The following CYP7A1 variants were observed in gnomAD, a reference collection of about 807,000 sequenced individuals.
The protein encoded by CYP7A1 is cytochrome P450 family 7 subfamily A member 1, also known as cytochrome P450 7A1.
In CYP7A1, 28 loss-of-function variants were observed where a neutral mutation model predicts 43.8. The ratio of observed to expected loss-of-function variants is 0.64; its 90% CI spans 0.47 to 0.88. The LOEUF (loss-of-function observed/expected upper bound fraction) is 0.88. Among genes scored for constraint, CYP7A1 ranks in the 40% least tolerant of loss-of-function variants. The pLI, the probability that CYP7A1 is intolerant of heterozygous loss-of-function variation, is 0.00. For missense variants in CYP7A1, 637 were observed against 611.9 expected, an observed-to-expected ratio of 1.04 and a Z score of -0.43; for synonymous variants, 227 against 222.5, an observed-to-expected ratio of 1.02 and a Z score of -0.18.
intron 5 of CYP7A1, 49 bp downstream of exon 5, chr8:58,492,304 T>A: frequency 7.3e-7 from 1 of 1,375,364 alleles, no homozygotes; most frequent in Non-Finnish European, 1.0e-6. Context: ...TTTATTTAGA[T>A]CTAGGTAGCT....
chr8:58,499,594 C>G (rs1357597933), intron 1 of CYP7A1, among the ~76,000 whole-genome samples: 1 of 152,138 alleles, frequency 6.6e-6, no homozygotes, highest in Non-Finnish European at 1.5e-5. Flanking sequence ...CAAGAATGAG[C>G]TTAAAAGAGA....
chr8:58,497,019 C>G lies in CYP7A1; in HGVS notation c.493G>C (p.Ala165Pro). ...GAATACATCCCTTCTGTCACCCAGG[C>G]AGCGGTCTTTGAGTTAGAGGAGACT... Reference protein sequence around the residue: ...PPVSSNSKTAAWVTEGMYSFC... With the variant: ...PPVSSNSKTAPWVTEGMYSFC... The change falls in exon 3 of 6, where the codon GCC (alanine) becomes CCC (proline). Residue 165 changes from alanine (A) to proline (P), a missense_variant. Coordinates refer to ENST00000301645, the MANE Select transcript of CYP7A1 (RefSeq NM_000780.4). The G allele has an allele frequency of 6.2e-7, 1 of 1,612,048 alleles. No individual in the cohort carries two copies. Among genetic ancestry groups the G allele is most frequent in the South Asian group, 1.1e-5 (1 of 91,074 alleles).
In CYP7A1 at chr8:58,497,070, T is replaced by C. The variant is rs1809456657; in HGVS notation, c.442A>G (p.Asn148Asp). The C allele has an allele frequency of 1.2e-6, 2 of 1,603,488 alleles. No homozygotes were observed. The highest frequency in any genetic ancestry group is 1.3e-5 in the African/African-American group (1 of 74,928). Residue 148 changes from asparagine to aspartate, a missense_variant, in exon 3 of 6, where the codon AAC (asparagine) becomes GAC (aspartate). Asn to Asp is a conservative substitution (Grantham distance 23). Transcript: ENST00000301645. ...LNSLTESMMENLQRIMRPPVS... is the reference protein window; with the variant it reads ...LNSLTESMMEDLQRIMRPPVS... ...GGAGGTCTCATGATACGTTGGAGGT[T>C]TTCCATCATGCTTTCCGTGAGGGAA...
Position 58,500,103 on chromosome 8 carries a change from C to A in CYP7A1, c.-5G>T. On this transcript the variant is annotated 5_prime_UTR_variant, in exon 1 of 6. Transcript: ENST00000301645. ...AATCAAAGATGTGGTCATCATTTTG[C>A]AAATCTAGGCCAAAATCTCTGAGGA... is the stretch of plus-strand genomic sequence containing the variant. The A allele has an allele frequency of 3.7e-6, 6 of 1,610,878 alleles. No homozygotes were observed. Among genetic ancestry groups the A allele is most frequent in the Non-Finnish European group, 4.2e-6 (5 of 1,177,346 alleles).
In CYP7A1 at chr8:58,492,426, A is replaced by C. The variant is rs761294119; in HGVS notation, c.1142T>G (p.Ile381Ser). The change falls in exon 5 of 6, where the codon ATC becomes AGC. Residue 381 changes from isoleucine to serine, a missense_variant. Ile to Ser is a moderately radical substitution (Grantham distance 142). Coordinates refer to ENST00000301645, the MANE Select transcript of CYP7A1 (RefSeq NM_000780.4). ...AAGAGCTATGATGTCATCTTTTCGGATGTTGTAGGAACCGTCCTCAAGGTG... is the reference window on the plus strand; with the variant it reads ...AAGAGCTATGATGTCATCTTTTCGGCTGTTGTAGGAACCGTCCTCAAGGTG... ...TLHLEDGSYN[I>S]RKDDIIALYP... The C allele has an allele frequency of 4.3e-6, 7 of 1,613,948 alleles. No individual in the cohort carries two copies. Among genetic ancestry groups the C allele is most frequent in the Non-Finnish European group, 5.9e-6 (7 of 1,179,884 alleles).
At chr8:58,492,943 T>C (rs1809375210) in intron 4 of CYP7A1, among the ~76,000 whole-genome samples, 1 of 152,142 alleles carries the variant, frequency 6.6e-6, no homozygotes, top group Non-Finnish European at 1.5e-5. Context: ...TTTCTTCTTT[T>C]TATTGTTTGC....
chr8:58,493,017 C>T (rs1449473601), intron 4 of CYP7A1, among the ~76,000 whole-genome samples: 2 of 152,260 alleles, frequency 1.3e-5, no homozygotes, highest in Non-Finnish European at 2.9e-5. Context: ...GCAATGTGCC[C>T]ATCTCAGCCT....
At chr8:58,499,946 A>T in intron 1 of CYP7A1, 73 bp downstream of exon 1, 1 of 1,222,850 alleles carries the variant, frequency 8.2e-7, no homozygotes, top group Non-Finnish European at 1.2e-6. Context: ...AACCAAATTT[A>T]CTGTATAAAA....
intron 3 of CYP7A1, among the ~76,000 whole-genome samples, chr8:58,495,283 G>T (rs542793354): frequency 1.1e-3 from 140 of 128,264 alleles, no homozygotes; most frequent in African/African-American, 4.3e-3. Context: ...TGGAGTGCAG[G>T]GGCGCAATCT....
chr8:58,498,022 G>A (rs1809474531), intron 2 of CYP7A1, among the ~76,000 whole-genome samples: 1 of 152,130 alleles, frequency 6.6e-6, no homozygotes, highest in African/African-American at 2.4e-5. Context: ...GTCAACAAAT[G>A]ACAAATCTAT....
Position 58,490,949 on chromosome 8 carries a change from G to A in CYP7A1, c.*526C>T, listed in dbSNP as rs1360394891. ...AACATTTTTTCATAATTGTCAGGCA[G>A]TTTTATAAAAATAAAGCAGTTTCCT... is the stretch of plus-strand genomic sequence containing the variant. On this transcript the variant is annotated 3_prime_UTR_variant, in exon 6 of 6. Coordinates refer to ENST00000301645, the MANE Select transcript of CYP7A1 (RefSeq NM_000780.4). The A allele has an allele frequency of 6.5e-6, 1 of 153,644 alleles. No homozygotes were observed. Among genetic ancestry groups the A allele is most frequent in the African/African-American group, 2.4e-5 (1 of 41,438 alleles). The allele number at this position is 153,644 out of a possible 1,614,324, so 9.5% of individuals were successfully genotyped here. A position where few individuals can be genotyped will look rare whatever the true frequency, so the allele number is the denominator to read the frequency against.
intron 5 of CYP7A1, 110 bp from the exon 6 acceptor site, chr8:58,491,884 T>G: frequency 1.1e-6 from 1 of 870,878 alleles, no homozygotes; most frequent in Non-Finnish European, 1.8e-6. Flanking sequence ...TCTACCCCAT[T>G]AGTGATTTAG....
chr8:58,494,874 G>T (rs1459408960), intron 3 of CYP7A1, among the ~76,000 whole-genome samples: 1 of 152,056 alleles, frequency 6.6e-6, no homozygotes, highest in Non-Finnish European at 1.5e-5. Flanking sequence ...GGTGGCACAC[G>T]CCTGTAATCC....
chr8:58,491,914 C>T, intron 5 of CYP7A1, 140 bp from the exon 6 acceptor site: 1 of 719,340 alleles, frequency 1.4e-6, no homozygotes, highest in Non-Finnish European at 2.3e-6. Flanking sequence ...CACATTGAAT[C>T]AGAAAGTAAT....
chr8:58,492,218 G>A, intron 5 of CYP7A1, 135 bp downstream of exon 5: 1 of 888,332 alleles, frequency 1.1e-6, no homozygotes. Flanking sequence ...CAAAATATAT[G>A]AATATTTAAC....
In CYP7A1 at chr8:58,498,228, C is replaced by T. The variant is rs1378425219; in HGVS notation, c.321+1G>A. On this transcript the variant is annotated splice_donor_variant, in intron 2 of 5. Transcript: ENST00000301645. LOFTEE classifies it high-confidence loss of function. ...TGGTATATAAATGTAAAACTGCTTA[C>T]CTTCGCAGAAGTAGCAAAGTGAAAT... 1.9e-6 allele frequency: 3 copies of T among 1,613,878 alleles called. No homozygotes were observed. The highest frequency in any genetic ancestry group is 1.7e-5 in the Admixed American group (1 of 60,004).
chr8:58,491,420 G>C lies in CYP7A1; in HGVS notation c.*55C>G, dbSNP rs960213485. 2 of 1,482,256 alleles carry C rather than the reference G, an allele frequency of 1.3e-6. No homozygotes were observed. Among genetic ancestry groups the C allele is most frequent in the African/African-American group, 2.8e-5 (2 of 72,250 alleles). 91.8% of individuals were successfully genotyped at this position (1,482,256 alleles called of 1,614,324 possible). ...TTTGTCCAAAGGGACTGTGTGGTGA[G>C]GGTGTTCTGCAGTCCTGTAATATCA... On this transcript the variant is annotated 3_prime_UTR_variant, in exon 6 of 6. Transcript: ENST00000301645.
At chr8:58,494,248 G>C (rs1367215100) in intron 4 of CYP7A1, among the ~76,000 whole-genome samples, 2 of 152,104 alleles carry the variant, frequency 1.3e-5, no homozygotes, top group Non-Finnish European at 2.9e-5. Context: ...TGGTAGTTGA[G>C]AGAATAGGAT....
At chr8:58,492,553 A>T (rs371812168) in intron 4 of CYP7A1, 25 bp from the exon 5 acceptor site, 294 of 1,590,258 alleles carry the variant, frequency 1.8e-4, no homozygotes, top group Non-Finnish European at 2.3e-4. Flanking sequence ...AGAAAAAAAG[A>T]TAAAAAATGA....
Sources: gnomAD v4.1 joint callset for allele counts (sites outside exome capture counted in the v4.1 genomes callset) on GRCh38, gnomAD v4.1.1 for gene constraint, MANE v1.5 for transcripts, NCBI Gene and HGNC (gene_info 2026-07-23, HGNC 2026-07-21) for gene names.